SGO1: variants seen among roughly 807,000 people sequenced by gnomAD.
The protein encoded by SGO1 is serologically defined breast cancer antigen NY-BR-85.
In SGO1, 39 loss-of-function variants were observed where a neutral mutation model predicts 50.5. That is an observed-to-expected ratio of 0.77 (90% CI 0.60 to 1.01). SGO1 has a LOEUF of 1.01. SGO1 is among the 50% of genes least tolerant of loss of function. The pLI is 0.00. For missense variants in SGO1, 638 were observed against 606.0 expected (o/e 1.05, Z -0.55); for synonymous variants, 191 against 205.1 (o/e 0.93, Z 0.59).
chr3:20,185,344 T>C (rs913352493), intron 1 of SGO1, among the ~76,000 whole-genome samples: 2 of 152,188 alleles, frequency 1.3e-5, no homozygotes, highest in African/African-American at 4.8e-5. Context: ...TTTAATCAAG[T>C]TAAAAATCAC....
upstream of SGO1, chr3:20,186,477 A>AG (rs1050689595): frequency 3.9e-5 from 6 of 152,360 alleles, no homozygotes; most frequent in Admixed American, 6.5e-5. Flanking sequence ...TGTGATAGGT[A>AG]GTTCAAAGCT....
At chr3:20,172,501 C>CAAAA (rs60237637) in intron 6 of SGO1, among the ~76,000 whole-genome samples, 3 of 102,548 alleles carry the variant, frequency 2.9e-5, no homozygotes, top group South Asian at 3.2e-4. Context: ...AACTCTGTTT[C>CAAAA]AAAAAAAAAA....
Position 20,174,617 on chromosome 3 carries a change from CGTTTT to C in SGO1, c.909_913del (p.Lys304TyrfsTer5). The C allele has an allele frequency of 1.3e-6, 2 of 1,599,574 alleles. No individual in the cohort carries two copies. The highest frequency in any genetic ancestry group is 1.7e-6 in the Non-Finnish European group (2 of 1,174,014). On this transcript the variant is annotated frameshift_variant, in exon 6 of 8. Transcript: ENST00000412997. LOFTEE classifies it high-confidence loss of function. ...TTTATTCTCTTTATATTTTGACATA[CGTTTT>C]GATTTTCTCCTGTTAGCTTTTCTTT...
Position 20,175,187 on chromosome 3 carries a change from C to G in SGO1, c.476-132G>C, listed in dbSNP as rs913328915. The G allele has an allele frequency of 1.5e-5, 15 of 969,706 alleles. No individual in the cohort carries two copies. In the African/African-American group the frequency reaches 2.6e-4, roughly 17 times the overall value. 60.1% of individuals were successfully genotyped at this position (969,706 alleles called of 1,614,324 possible). On this transcript the variant is annotated intron_variant, in intron 5 of 7. Transcript: ENST00000412997. The stretch of plus-strand genomic sequence containing the variant: ...CTGTAGTTTTCCTACATTATAAAAT[C>G]TGTAAATAAAAACCTGGGAACTTAA...
chr3:20,176,564 G>C, intron 5 of SGO1, 37 bp downstream of exon 5: 1 of 1,249,024 alleles, frequency 8.0e-7, no homozygotes. Context: ...ACCTTATTTT[G>C]CCCTTAATAA....
In SGO1 at chr3:20,170,101, G is replaced by A. The variant is rs1009353271; in HGVS notation, c.*603C>T. On this transcript the variant is annotated 3_prime_UTR_variant, in exon 8 of 8. Transcript: ENST00000412997. ...AGTAATCATTATTCATTTCTACAAT[G>A]TTTGTATAAGATACATTTTGGGCTG... is the stretch of plus-strand genomic sequence containing the variant. 2.0e-6 allele frequency: 2 copies of A among 985,164 alleles called. No homozygotes were observed. The highest frequency in any genetic ancestry group is 4.7e-5 in the South Asian group (1 of 21,276). 61.0% of individuals were successfully genotyped at this position (985,164 alleles called of 1,614,324 possible). A position where few individuals can be genotyped will look rare whatever the true frequency, so the allele number is the denominator to read the frequency against.
intron 3 of SGO1, among the ~76,000 whole-genome samples, chr3:20,179,107 G>A (rs1701724771): frequency 6.6e-6 from 1 of 152,194 alleles, no homozygotes; most frequent in Non-Finnish European, 1.5e-5. Flanking sequence ...AAAAGGGATG[G>A]AGATGGGAAC....
In SGO1 at chr3:20,175,632, T is replaced by TAAA. The variant is rs55831438; in HGVS notation, c.476-580_476-578dup. Among the ~76,000 whole-genome samples the TAAA allele has an allele frequency of 2.1e-3, 316 of 150,370 alleles. 1 individual carries two copies. Among genetic ancestry groups the TAAA allele is most frequent in the African/African-American group, 7.0e-3 (287 of 40,860 alleles). Reference sequence around the variant, plus strand: ...TAACACAGTGAAACCCCGTCTCTACTAAAAAAAATACAAAAAATTAGCCAG... The same window carrying TAAA: ...TAACACAGTGAAACCCCGTCTCTACTAAAAAAAAAAATACAAAAAATTAGCCAG... On this transcript the variant is annotated intron_variant, in intron 5 of 7. Transcript: ENST00000412997.
chr3:20,176,877 A>C (rs1182041329), intron 4 of SGO1, among the ~76,000 whole-genome samples: 1 of 152,240 alleles, frequency 6.6e-6, no homozygotes, highest in Admixed American at 6.5e-5. Context: ...CACTTGAAGA[A>C]CCAACCTATC....
downstream of SGO1, among the ~76,000 whole-genome samples, chr3:20,167,088 T>C (rs892790753): frequency 2.0e-5 from 3 of 152,092 alleles, no homozygotes; most frequent in Non-Finnish European, 4.4e-5. Context: ...ATTGTGACTA[T>C]ACAATATACC....
intron 6 of SGO1, among the ~76,000 whole-genome samples, chr3:20,173,296 C>G (rs1700985568): frequency 6.6e-6 from 1 of 152,040 alleles, no homozygotes; most frequent in South Asian, 2.1e-4. Context: ...TACCACCAGG[C>G]CTGGCTCATT....
rs533438720 is a variant in SGO1, at chr3:20,183,877, A to T, written c.142+9T>A. 6.2e-7 allele frequency: 1 copy of T among 1,604,652 alleles called. No individual in the cohort carries two copies. The highest frequency in any genetic ancestry group is 1.1e-5 in the South Asian group (1 of 88,078). ...AGTGATATAAAAGGACAACATAAAA[A>T]TCTCTTACTGATTATTTGGCATGGT... On this transcript the variant is annotated intron_variant, in intron 2 of 7. Coordinates refer to ENST00000412997, the MANE Select transcript of SGO1 (RefSeq NM_001199251.3).
chr3:20,170,982 A>G, intron 7 of SGO1, 61 bp downstream of exon 7: 1 of 1,510,874 alleles, frequency 6.6e-7, no homozygotes, highest in Non-Finnish European at 8.9e-7. Flanking sequence ...ACAAAGCTCC[A>G]TAACCTTATT....
chr3:20,171,487 C>G (rs942320498), intron 6 of SGO1, among the ~76,000 whole-genome samples: 1 of 152,144 alleles, frequency 6.6e-6, no homozygotes, highest in Non-Finnish European at 1.5e-5. Context: ...TACAGGTATG[C>G]ACCACCATGC....
Position 20,183,761 on chromosome 3 carries a change from T to G in SGO1, c.186A>C (p.Lys62Asn), listed in dbSNP as rs1337751452. 1.2e-6 allele frequency: 2 copies of G among 1,612,358 alleles called. No individual in the cohort carries two copies. Among genetic ancestry groups the G allele is most frequent in the African/African-American group, 2.7e-5 (2 of 74,782 alleles). ...TLLKNYQDNN[K>N]MLVLALENEK... ...CATTTTCCAAAGCTAAAACTAACAT[T>G]TTGTTGTTGTCTTGGTAATTTTTCA... Residue 62 changes from lysine to asparagine, a missense_variant, in exon 3 of 8, where the codon AAA (lysine) becomes AAC (asparagine). Coordinates refer to ENST00000412997, the MANE Select transcript of SGO1 (RefSeq NM_001199251.3).
At chr3:20,185,906 G>A (rs1245880177) in intron 1 of SGO1, 42 bp downstream of exon 1, 1 of 152,162 alleles carries the variant, frequency 6.6e-6, no homozygotes, top group Non-Finnish European at 1.5e-5. Flanking sequence ...ACTGAAAACC[G>A]AAGGGAAGTC....
chr3:20,171,262 TAAAA>T, intron 6 of SGO1, 30 bp from the exon 7 acceptor site: 1 of 1,250,476 alleles, frequency 8.0e-7, no homozygotes, highest in Non-Finnish European at 1.1e-6. Flanking sequence ...GAATATGATT[TAAAA>T]AAAAAAACCC....
downstream of SGO1, among the ~76,000 whole-genome samples, chr3:20,168,602 G>C (rs1700431768): frequency 6.6e-6 from 1 of 151,506 alleles, no homozygotes; most frequent in Non-Finnish European, 1.5e-5. Flanking sequence ...GCCACATATG[G>C]CTACTGATCA....
chr3:20,182,878 C>T (rs1054379868), intron 3 of SGO1, among the ~76,000 whole-genome samples: 3 of 151,936 alleles, frequency 2.0e-5, no homozygotes, highest in Non-Finnish European at 2.9e-5. Context: ...ATTAGCCAGG[C>T]GTGGTGGCGG....
Sources: gnomAD v4.1 joint callset for allele counts (sites outside exome capture counted in the v4.1 genomes callset) on GRCh38, gnomAD v4.1.1 for gene constraint, MANE v1.5 for transcripts, NCBI Gene and HGNC (gene_info 2026-07-23, HGNC 2026-07-21) for gene names.